BACH2: variants seen among roughly 807,000 people sequenced by gnomAD.
The protein encoded by BACH2 is transcription regulator protein BACH2.
BACH2 carries 5 observed loss-of-function variants against 61.8 expected under a neutral mutation model. That is an observed-to-expected ratio of 0.08 (90% CI 0.04 to 0.17). The LOEUF is 0.17. Among genes scored for constraint, BACH2 ranks in the 10% least tolerant of loss-of-function variants. BACH2 has a pLI of 1.00. For synonymous variants in BACH2, 446 were observed against 440.1 expected, an observed-to-expected ratio of 1.01 and a Z score of -0.17; for missense variants, 824 against 1,091.1, an observed-to-expected ratio of 0.76 and a Z score of 3.45.
At chr6:90,243,562 T>C (rs1270276417) in intron 3 of BACH2, among the ~76,000 whole-genome samples, 1 of 152,240 alleles carries the variant, frequency 6.6e-6, no homozygotes, top group Non-Finnish European at 1.5e-5. Flanking sequence ...GAACATTCTC[T>C]GACTAGCATT....
chr6:90,025,859 T>C (rs972965452), intron 5 of BACH2, among the ~76,000 whole-genome samples: 2 of 152,172 alleles, frequency 1.3e-5, no homozygotes, highest in African/African-American at 4.8e-5. Context: ...GGGAAATCAT[T>C]ACAGAGAAAT....
chr6:90,131,524 C>A (rs539152678), intron 4 of BACH2, among the ~76,000 whole-genome samples: 4 of 152,128 alleles, frequency 2.6e-5, no homozygotes, highest in Non-Finnish European at 5.9e-5. Flanking sequence ...CAAATCTCAG[C>A]GAAAGCCTCT....
At chr6:89,937,387 A>T (rs1302586395) in intron 8 of BACH2, among the ~76,000 whole-genome samples, 6 of 152,198 alleles carry the variant, frequency 3.9e-5, no homozygotes, top group Non-Finnish European at 8.8e-5. Context: ...GAAGTTTTCC[A>T]GCCCTTCTGC....
rs1237080659 is a variant in BACH2, at chr6:90,104,508, C to G, written c.-161-15399G>C. 1.3e-5 allele frequency: 2 copies of G among 152,262 alleles called. 1 individual carries two copies. The highest frequency in any genetic ancestry group is 4.1e-4 in the South Asian group (2 of 4,830). 9.4% of individuals were successfully genotyped at this position (152,262 alleles called of 1,614,324 possible). ...CAGATTTTATTTAAATGCCCACAGA[C>G]AGCACAGCCCCTAGACCCAGGCAAG... On this transcript the variant is annotated intron_variant, in intron 4 of 8. Transcript: ENST00000257749.
At position 90,120,325 on chromosome 6, in the gene BACH2, CT is replaced by C. The variant is rs533138687; in HGVS notation, c.-161-31217del. On this transcript the variant is annotated intron_variant, in intron 4 of 8. Transcript: ENST00000257749. Reference sequence around the variant, plus strand: ...AACATGAGTACAACACCTGCTTTCTCTATTTCAGCAGGTACCAAACTCTGTG... The same window carrying C: ...AACATGAGTACAACACCTGCTTTCTCATTTCAGCAGGTACCAAACTCTGTG... Among the ~76,000 whole-genome samples the C allele has an allele frequency of 1.2e-3, 176 of 152,292 alleles. 1 individual carries two copies. The highest frequency in any genetic ancestry group is 4.1e-3 in the African/African-American group (171 of 41,560).
intron 5 of BACH2, among the ~76,000 whole-genome samples, chr6:90,065,149 A>G (rs769686551): frequency 8.6e-5 from 13 of 151,648 alleles, no homozygotes; most frequent in Non-Finnish European, 1.8e-4. Flanking sequence ...AAGCCTATAC[A>G]TTGATAAACT....
intron 4 of BACH2, among the ~76,000 whole-genome samples, chr6:90,132,143 C>A (rs1243425893): frequency 6.6e-6 from 1 of 152,212 alleles, no homozygotes; most frequent in Non-Finnish European, 1.5e-5. Flanking sequence ...AGAGAGGAAG[C>A]TATCTAAGTC....
chr6:90,272,409 C>A (rs1328068008), intron 1 of BACH2, among the ~76,000 whole-genome samples: 1 of 152,016 alleles, frequency 6.6e-6, no homozygotes, highest in Non-Finnish European at 1.5e-5. Context: ...TCGTCTGTTC[C>A]CAGCACATCA....
At chr6:90,295,411 A>G (rs2127896136) in intron 1 of BACH2, among the ~76,000 whole-genome samples, 1 of 152,014 alleles carries the variant, frequency 6.6e-6, no homozygotes, top group Non-Finnish European at 1.5e-5. Context: ...GTTCCTGCAA[A>G]TGCTTGGCCA....
intron 4 of BACH2, among the ~76,000 whole-genome samples, chr6:90,115,043 C>G (rs9451358): frequency 0.023 from 3,551 of 152,222 alleles, 139 homozygotes; most frequent in African/African-American, 0.077. Context: ...AATGGAAAAA[C>G]ATCCCATGCG....
chr6:90,122,443 T>C (rs1302197085), intron 4 of BACH2, among the ~76,000 whole-genome samples: 1 of 152,196 alleles, frequency 6.6e-6, no homozygotes, highest in Non-Finnish European at 1.5e-5. Context: ...AAAGGACTTC[T>C]TGAAGGCAGT....
chr6:90,196,508 T>C (rs1431599995), intron 4 of BACH2, among the ~76,000 whole-genome samples: 2 of 152,240 alleles, frequency 1.3e-5, no homozygotes, highest in Non-Finnish European at 2.9e-5. Context: ...AATACACGTG[T>C]CTATTTTTAG....
At chr6:90,218,114 AGTGTCATGT>A (rs1430642139) in intron 3 of BACH2, 1 of 152,190 alleles carries the variant, frequency 6.6e-6, no homozygotes, top group Non-Finnish European at 1.5e-5. Flanking sequence ...CTGCTGCCTC[AGTGTCATGT>A]TGGCGTCAGG....
In BACH2 at chr6:90,036,062, A is replaced by T. The variant is rs917911691; in HGVS notation, c.-12-27206T>A. Among the ~76,000 whole-genome samples, 12 of 151,970 alleles carry T rather than the reference A, an allele frequency of 7.9e-5. No homozygotes were observed. The Admixed American group carries it at 7.9e-4, about 10-fold the overall frequency. On this transcript the variant is annotated intron_variant, in intron 5 of 8. Coordinates refer to ENST00000257749, the MANE Select transcript of BACH2 (RefSeq NM_021813.4). ...GGAAGAACCATTCTAAGAGAACACC[A>T]TAGAACTGTAGCTCTTCATGTATTT...
chr6:89,946,644 C>T (rs1403021562), intron 7 of BACH2, among the ~76,000 whole-genome samples: 1 of 152,148 alleles, frequency 6.6e-6, no homozygotes. Flanking sequence ...TGTGATCGAC[C>T]TACAGCCACG....
intron 4 of BACH2, among the ~76,000 whole-genome samples, chr6:90,190,554 C>T (rs1303190654): frequency 6.6e-6 from 1 of 152,176 alleles, no homozygotes; most frequent in East Asian, 1.9e-4. Context: ...AGAAAGGAAA[C>T]AAAACCCATT....
At chr6:90,267,860 T>C (rs1025127751) in intron 2 of BACH2, among the ~76,000 whole-genome samples, 15 of 152,118 alleles carry the variant, frequency 9.9e-5, no homozygotes, top group African/African-American at 3.1e-4. Flanking sequence ...ATATGATGTA[T>C]AGAGAAAGGA....
intron 5 of BACH2, among the ~76,000 whole-genome samples, chr6:90,064,734 A>G (rs1780856487): frequency 6.6e-6 from 1 of 152,222 alleles, no homozygotes; most frequent in Non-Finnish European, 1.5e-5. Context: ...TCCTAGAGAG[A>G]AAGCCCATTC....
chr6:90,052,963 T>C (rs1670989142), intron 5 of BACH2, among the ~76,000 whole-genome samples: 2 of 152,198 alleles, frequency 1.3e-5, no homozygotes, highest in Admixed American at 6.5e-5. Context: ...CTATTTGTCC[T>C]ACTTTCCTAT....
Sources: allele counts gnomAD v4.1 joint callset (sites outside exome capture counted in the v4.1 genomes callset), GRCh38; gene constraint gnomAD v4.1.1; transcripts MANE v1.5; gene names NCBI Gene and HGNC (gene_info 2026-07-23, HGNC 2026-07-21).